RXRA: variants seen among roughly 807,000 people sequenced by gnomAD.
RXRA encodes retinoic acid receptor RXR-alpha.
RXRA carries 5 observed loss-of-function variants against 44.5 expected under a neutral mutation model. That is an observed-to-expected ratio of 0.11 (90% CI 0.06 to 0.24). The LOEUF is 0.24. RXRA is among the 10% of genes least tolerant of loss of function. The pLI, the probability that RXRA is intolerant of heterozygous loss-of-function variation, is 1.00. For synonymous variants in RXRA, 291 were observed against 271.4 expected (o/e 1.07, Z -0.71); for missense variants, 412 against 646.5 (o/e 0.64, Z 3.93).
rs571766607 is a variant in RXRA, at chr9:134,408,169, C to T, written c.300C>T (p.Pro100=). 1.2e-4 allele frequency: 188 copies of T among 1,584,860 alleles called. No individual in the cohort carries two copies. The South Asian group carries it at 1.3e-3, about 11-fold the overall frequency. The part of the protein sequence containing the change: ...GSPQLSSPMN[P]VSSSEDIKPP... ...CCCAGCTCAGCTCACCTATGAACCC[C>T]GTCAGCAGCAGCGAGGACATCAAGC... The change falls in exon 3 of 10, where the codon CCC becomes CCT. Residue 100 remains proline (P), a synonymous_variant. Transcript: ENST00000481739.
At chr9:134,434,671 C>T (rs1207012108) in intron 9 of RXRA, among the ~76,000 whole-genome samples, 2 of 152,272 alleles carry the variant, frequency 1.3e-5, no homozygotes, top group African/African-American at 4.8e-5. Context: ...TGTTTCCCCC[C>T]TGCCCGGCTG....
chr9:134,434,925 C>T (rs894472390), intron 9 of RXRA, among the ~76,000 whole-genome samples: 1 of 152,204 alleles, frequency 6.6e-6, no homozygotes, highest in Non-Finnish European at 1.5e-5. Flanking sequence ...CTTCCCGCCA[C>T]CAGCACATAC....
At chr9:134,408,908 G>C (rs1831101151) in intron 3 of RXRA, 32 bp from the exon 4 acceptor site, 2 of 1,439,680 alleles carry the variant, frequency 1.4e-6, no homozygotes, top group Admixed American at 5.3e-5. Context: ...GGCGGTGGGT[G>C]CTCCCCAGCC....
intron 1 of RXRA, among the ~76,000 whole-genome samples, chr9:134,359,476 C>CA (rs1830323240): frequency 6.6e-6 from 1 of 152,168 alleles, no homozygotes; most frequent in Non-Finnish European, 1.5e-5. Flanking sequence ...GGTGCGCCCT[C>CA]ACCTCGGTGT....
At chr9:134,379,562 G>C (rs34133915) in intron 1 of RXRA, 748,494 of 985,430 alleles carry the variant, frequency 0.76, 286,978 homozygotes, top group Non-Finnish European at 0.78. Context: ...TCGGCCTCAT[G>C]GGGGGCTTGC....
intron 1 of RXRA, among the ~76,000 whole-genome samples, chr9:134,331,858 C>T (rs935623575): frequency 1.1e-4 from 16 of 152,192 alleles, no homozygotes; most frequent in Non-Finnish European, 1.9e-4. Context: ...GGCTCTGCTG[C>T]CCCTGGTCCT....
intron 1 of RXRA, among the ~76,000 whole-genome samples, chr9:134,338,545 G>A (rs1266515533): frequency 2.6e-5 from 4 of 152,218 alleles, no homozygotes; most frequent in African/African-American, 9.6e-5. Context: ...GCGTCTGGCC[G>A]CAGTCAGTGG....
At chr9:134,399,250 G>A (rs1309118267) in intron 1 of RXRA, among the ~76,000 whole-genome samples, 1 of 152,248 alleles carries the variant, frequency 6.6e-6, no homozygotes, top group Non-Finnish European at 1.5e-5. Flanking sequence ...TGGTGGGCAT[G>A]GTTGCCTGGC....
intron 1 of RXRA, among the ~76,000 whole-genome samples, chr9:134,391,397 C>T (rs1237001805): frequency 2.6e-5 from 4 of 151,764 alleles, no homozygotes. Flanking sequence ...GGCCTCTGAG[C>T]CACCGAGAGC....
chr9:134,382,163 A>G (rs543742176), intron 1 of RXRA, among the ~76,000 whole-genome samples: 18 of 151,998 alleles, frequency 1.2e-4, no homozygotes, highest in Admixed American at 9.2e-4. Context: ...CAAGGTGTAG[A>G]TGCTGGGAGG....
At chr9:134,414,011 G>A (rs770505714) in intron 4 of RXRA, among the ~76,000 whole-genome samples, 3 of 152,306 alleles carry the variant, frequency 2.0e-5, no homozygotes, top group South Asian at 2.1e-4. Flanking sequence ...GACACCTCCC[G>A]CCCGGCCTCC....
chr9:134,420,462 C>T (rs1422757494), intron 5 of RXRA, among the ~76,000 whole-genome samples: 2 of 152,242 alleles, frequency 1.3e-5, no homozygotes, highest in Non-Finnish European at 2.9e-5. Context: ...GTGTATACCC[C>T]TTCTGGCTCG....
At chr9:134,387,161 C>T (rs1830732190) in intron 1 of RXRA, among the ~76,000 whole-genome samples, 1 of 152,230 alleles carries the variant, frequency 6.6e-6, no homozygotes, top group Admixed American at 6.5e-5. Flanking sequence ...GGTCCCCACA[C>T]CCATCCTGCT....
At position 134,421,750 on chromosome 9, in the gene RXRA, G is replaced by A; in HGVS notation, c.855G>A (p.Arg285=). The A allele has an allele frequency of 1.9e-6, 3 of 1,604,578 alleles. No individual in the cohort carries two copies. Among genetic ancestry groups the A allele is most frequent in the Non-Finnish European group, 2.6e-6 (3 of 1,172,734 alleles). Residue 285 remains arginine (R), a synonymous_variant, in exon 6 of 10, where the codon CGG becomes CGA. Coordinates refer to ENST00000481739, the MANE Select transcript of RXRA (RefSeq NM_002957.6). ...QLFTLVEWAK[R]IPHFSELPLD... ...TCACCCTGGTGGAGTGGGCCAAGCG[G>A]ATCCCACACTTCTCAGAGCTGCCCC...
In RXRA at chr9:134,426,044, C is replaced by T; in HGVS notation, c.911-3064C>T. ...GGGTCCTGCAACCCCAGCAGAGGCCCTGAGCGTTTGGGCAGGGCCACGAGG... is the reference window on the plus strand; with the variant it reads ...GGGTCCTGCAACCCCAGCAGAGGCCTTGAGCGTTTGGGCAGGGCCACGAGG... On this transcript the variant is annotated intron_variant, in intron 6 of 9. Transcript: ENST00000481739. This position sits in a 1 kb window ranked among gnomAD's most constrained non-coding sequence, Gnocchi z 4.6. The T allele has an allele frequency of 1.0e-6, 1 of 985,396 alleles. No individual in the cohort carries two copies. The highest frequency in any genetic ancestry group is 4.7e-5 in the South Asian group (1 of 21,284). The allele number at this position is 985,396 out of a possible 1,614,324, so 61.0% of individuals were successfully genotyped here. A position where few individuals can be genotyped will look rare whatever the true frequency, so the allele number is the denominator to read the frequency against.
intron 1 of RXRA, among the ~76,000 whole-genome samples, chr9:134,382,564 T>G (rs1035183436): frequency 2.0e-5 from 3 of 152,088 alleles, no homozygotes; most frequent in Non-Finnish European, 4.4e-5. Context: ...TGGGCCTCTG[T>G]GCACTGATGG....
intron 1 of RXRA, among the ~76,000 whole-genome samples, chr9:134,353,777 A>T (rs1830250147): frequency 6.6e-6 from 1 of 152,182 alleles, no homozygotes; most frequent in Non-Finnish European, 1.5e-5. Flanking sequence ...CAGGCCTGGG[A>T]TGTCCCGTTG....
chr9:134,339,863 G>A (rs886946625), intron 1 of RXRA, among the ~76,000 whole-genome samples: 1 of 148,982 alleles, frequency 6.7e-6, no homozygotes, highest in Non-Finnish European at 1.5e-5. Context: ...CCATGTGTGT[G>A]TGTCTGTGAA....
intron 6 of RXRA, 89 bp downstream of exon 6, chr9:134,421,894 C>T (rs1831338635): frequency 1.3e-6 from 2 of 1,552,080 alleles, no homozygotes; most frequent in Non-Finnish European, 8.7e-7. Flanking sequence ...ACTCCGCACT[C>T]CCGGGACACT....
Sources: allele counts gnomAD v4.1 joint callset (sites outside exome capture counted in the v4.1 genomes callset), GRCh38; gene constraint gnomAD v4.1.1; non-coding constraint Gnocchi (gnomAD v3.1); transcripts MANE v1.5; gene names NCBI Gene and HGNC (gene_info 2026-07-23, HGNC 2026-07-21).